The following UBE2V1 variants were observed in gnomAD, a reference collection of about 807,000 sequenced individuals.
UBE2V1 encodes the protein ubiquitin-conjugating enzyme E2 variant 1.
UBE2V1 carries 15 observed loss-of-function variants against 19.6 expected under a neutral mutation model. That is an observed-to-expected ratio of 0.77 (90% CI 0.51 to 1.18). The LOEUF (loss-of-function observed/expected upper bound fraction) is 1.18. Ranked by LOEUF, UBE2V1 falls within the 50% of genes most tolerant of loss-of-function variation. The pLI is 0.00. For synonymous variants in UBE2V1, 60 were observed against 60.7 expected, an observed-to-expected ratio of 0.99 and a Z score of 0.05; for missense variants, 125 against 184.8, an observed-to-expected ratio of 0.68 and a Z score of 1.88.
At chr20:50,113,195 A>T, upstream of UBE2V1, 1 of 976,982 alleles carries the variant, frequency 1.0e-6, no homozygotes, top group East Asian at 6.5e-5. Flanking sequence ...CCCGGCCCTG[A>T]TGCGCAGGCG....
chr20:50,099,529 CA>C (rs1253430293), intron 1 of UBE2V1, among the ~76,000 whole-genome samples: 1 of 152,102 alleles, frequency 6.6e-6, no homozygotes, highest in Non-Finnish European at 1.5e-5. Context: ...TTTTTTACAA[CA>C]ATCCCATGTT....
At chr20:50,114,038 C>T (rs958889136), upstream of UBE2V1, among the ~76,000 whole-genome samples, 1 of 152,132 alleles carries the variant, frequency 6.6e-6, no homozygotes, top group African/African-American at 2.4e-5. Flanking sequence ...GGTCATATTT[C>T]AGCAGAGACC....
intron 1 of UBE2V1, among the ~76,000 whole-genome samples, chr20:50,107,885 A>C (rs1221955048): frequency 6.6e-6 from 1 of 152,230 alleles, no homozygotes; most frequent in Non-Finnish European, 1.5e-5. Context: ...AGAACAAAAC[A>C]AGAAGCTGTG....
chr20:50,111,424 C>A, intron 1 of UBE2V1: 1 of 1,000,304 alleles, frequency 1.0e-6, no homozygotes, highest in Non-Finnish European at 1.2e-6. Flanking sequence ...CACACTGGGC[C>A]CCTTCGTTTA....
intron 2 of UBE2V1, chr20:50,084,782 T>G: frequency 3.0e-6 from 1 of 334,286 alleles, no homozygotes; most frequent in South Asian, 2.4e-5. Flanking sequence ...GGTAAGGGAT[T>G]TCAACTGGGG....
At chr20:50,087,311 G>A (rs2078976298) in intron 2 of UBE2V1, among the ~76,000 whole-genome samples, 1 of 149,434 alleles carries the variant, frequency 6.7e-6, no homozygotes, top group Admixed American at 6.7e-5. Flanking sequence ...CAGGTGAACT[G>A]CTTAAACCTG....
chr20:50,108,848 TG>T, intron 1 of UBE2V1: 1 of 776,160 alleles, frequency 1.3e-6, no homozygotes, highest in Non-Finnish European at 1.6e-6. Context: ...GGACAAACAG[TG>T]GCCAGAGATG....
At chr20:50,104,985 C>T (rs576870400) in intron 1 of UBE2V1, among the ~76,000 whole-genome samples, 1 of 152,268 alleles carries the variant, frequency 6.6e-6, no homozygotes, top group Non-Finnish European at 1.5e-5. Context: ...CCTCAGCCTC[C>T]CAAAGTGCTG....
At chr20:50,089,584 G>T (rs2079106967) in intron 2 of UBE2V1, among the ~76,000 whole-genome samples, 2 of 152,322 alleles carry the variant, frequency 1.3e-5, no homozygotes, top group Middle Eastern at 3.4e-3. Context: ...AGCATCCAAA[G>T]CAGAGTGGAG....
intron 1 of UBE2V1, among the ~76,000 whole-genome samples, chr20:50,100,697 G>A (rs939416966): frequency 2.0e-5 from 3 of 152,202 alleles, no homozygotes; most frequent in Non-Finnish European, 2.9e-5. Flanking sequence ...CCTCTATTTT[G>A]AGTTGCTCTT....
At chr20:50,101,571 CAA>C (rs11481618) in intron 1 of UBE2V1, among the ~76,000 whole-genome samples, 37 of 71,178 alleles carry the variant, frequency 5.2e-4, no homozygotes, top group South Asian at 7.3e-4. Flanking sequence ...CATTTATAAG[CAA>C]AAAAAAAAAA....
chr20:50,090,147 G>A (rs1333105957), intron 2 of UBE2V1, among the ~76,000 whole-genome samples: 1 of 152,134 alleles, frequency 6.6e-6, no homozygotes, highest in Non-Finnish European at 1.5e-5. Flanking sequence ...TGATTTTTTA[G>A]TCCAACATCT....
rs1291407801 is a variant in UBE2V1 at position 50,081,795 on chromosome 20, G to A, written c.*973C>T. 3 of 253,428 alleles carry A rather than the reference G, an allele frequency of 1.2e-5. No homozygotes were observed. Among genetic ancestry groups the A allele is most frequent in the Non-Finnish European group, 2.2e-5 (3 of 133,654 alleles). 15.7% of individuals were successfully genotyped at this position (253,428 alleles called of 1,614,324 possible). A position where few individuals can be genotyped will look rare whatever the true frequency, so the allele number is the denominator to read the frequency against. ...AAGGACTCCGAGAGCTGGCAGGTCT[G>A]AGTAACCCTGGTGACTATTCTTTTC... On this transcript the variant is annotated 3_prime_UTR_variant, in exon 4 of 4. Coordinates refer to ENST00000371674, the MANE Select transcript of UBE2V1 (RefSeq NM_001032288.3).
upstream of UBE2V1, among the ~76,000 whole-genome samples, chr20:50,113,790 C>A (rs2080922138): frequency 9.4e-6 from 1 of 106,106 alleles, no homozygotes; most frequent in African/African-American, 5.6e-5. Context: ...TTCATTCATT[C>A]ATTCGTTCAT....
chr20:50,084,038 T>C lies in UBE2V1; in HGVS notation c.297+91A>G, dbSNP rs1006436545. The C allele has an allele frequency of 3.5e-5, 53 of 1,507,810 alleles. 1 individual carries two copies. Among genetic ancestry groups the C allele is most frequent in the Non-Finnish European group, 4.3e-5 (49 of 1,130,462 alleles). 93.4% of individuals were successfully genotyped at this position (1,507,810 alleles called of 1,614,324 possible). A position where few individuals can be genotyped will look rare whatever the true frequency, so the allele number is the denominator to read the frequency against. On this transcript the variant is annotated intron_variant, in intron 3 of 3. Coordinates refer to ENST00000371674, the MANE Select transcript of UBE2V1 (RefSeq NM_001032288.3). The stretch of plus-strand genomic sequence containing the variant: ...TTTATCAACAAATAACCAAAGAACC[T>C]AGGAATTGGGCCCAGTCTAAAAGCT...
chr20:50,101,697 A>G (rs1306339953), intron 1 of UBE2V1, among the ~76,000 whole-genome samples: 2 of 152,092 alleles, frequency 1.3e-5, no homozygotes, highest in Admixed American at 1.3e-4. Flanking sequence ...ATATAGGCAC[A>G]CACACCTTCT....
intron 2 of UBE2V1, chr20:50,095,179 C>T (rs1282199326): frequency 1.3e-5 from 2 of 152,148 alleles, no homozygotes; most frequent in Admixed American, 1.3e-4. Context: ...CATTCTGAGT[C>T]ATTTCTAGGT....
At chr20:50,088,504 G>A (rs895691000) in intron 2 of UBE2V1, among the ~76,000 whole-genome samples, 1 of 152,180 alleles carries the variant, frequency 6.6e-6, no homozygotes, top group African/African-American at 2.4e-5. Flanking sequence ...GTATGAGCTA[G>A]GCTAGGCACG....
intron 2 of UBE2V1, chr20:50,096,263 C>A (rs117970872): frequency 7.4e-6 from 2 of 271,920 alleles, no homozygotes; most frequent in South Asian, 7.5e-5. Context: ...TACAGGTGCA[C>A]GGCAGACCTG....
Sources: gnomAD v4.1 joint callset for allele counts (sites outside exome capture counted in the v4.1 genomes callset) on GRCh38, gnomAD v4.1.1 for gene constraint, MANE v1.5 for transcripts, NCBI Gene and HGNC (gene_info 2026-07-23, HGNC 2026-07-21) for gene names.